The following OR51C1 variants were observed in gnomAD, a reference collection of about 807,000 sequenced individuals.
The protein encoded by OR51C1 is olfactory receptor family 51 subfamily C member 1.
At chr11:4,693,286 A>G in the OR51C1 span, among the ~76,000 whole-genome samples, 2 of 152,222 alleles carry the variant, frequency 1.3e-5, no homozygotes, top group Non-Finnish European at 1.5e-5. Context: ...AACACACTAA[A>G]AAGGAATTAC....
At chr11:4,694,716 A>G in the OR51C1 span, among the ~76,000 whole-genome samples, 142,336 of 152,030 alleles carry the variant, frequency 0.94, 67,364 homozygotes, top group East Asian at 1. Flanking sequence ...CAGTAACAGA[A>G]ACAAACAGAT....
the OR51C1 span, among the ~76,000 whole-genome samples, chr11:4,695,081 A>G: frequency 6.6e-6 from 1 of 152,172 alleles, no homozygotes; most frequent in Non-Finnish European, 1.5e-5. Flanking sequence ...GCTGTGGGAA[A>G]TGAAGCTAGA....
chr11:4,692,254 A>G, the OR51C1 span: 1 of 375,156 alleles, frequency 2.7e-6, no homozygotes, highest in Admixed American at 3.2e-5. Flanking sequence ...AACACATAGG[A>G]AGTGACAAAT....
the OR51C1 span, among the ~76,000 whole-genome samples, chr11:4,695,933 A>G: frequency 2.6e-5 from 4 of 152,112 alleles, no homozygotes; most frequent in Non-Finnish European, 5.9e-5. Flanking sequence ...ATGGCTTTAA[A>G]TAGCACTTAT....
chr11:4,693,451 G>T, the OR51C1 span, among the ~76,000 whole-genome samples: 5 of 152,206 alleles, frequency 3.3e-5, no homozygotes, highest in Non-Finnish European at 5.9e-5. Context: ...GCTGGGCGCG[G>T]TGGCTCACGC....
At chr11:4,692,255 A>G in the OR51C1 span, 1 of 373,536 alleles carries the variant, frequency 2.7e-6, no homozygotes, top group South Asian at 2.1e-5. Context: ...ACACATAGGA[A>G]GTGACAAATA....
chr11:4,692,593 A>G, the OR51C1 span, among the ~76,000 whole-genome samples: 1 of 152,186 alleles, frequency 6.6e-6, no homozygotes, highest in Non-Finnish European at 1.5e-5. Flanking sequence ...AGAATTGCAG[A>G]AAGGTAGATA....
chr11:4,697,417 T>A, the OR51C1 span, among the ~76,000 whole-genome samples: 1 of 152,230 alleles, frequency 6.6e-6, no homozygotes, highest in Non-Finnish European at 1.5e-5. Context: ...ATCAGCACAC[T>A]GATTAAACCA....
chr11:4,692,681 A>G, the OR51C1 span, among the ~76,000 whole-genome samples: 765 of 152,266 alleles, frequency 5.0e-3, 8 homozygotes, highest in African/African-American at 0.017. Flanking sequence ...GGCTCAATCA[A>G]TGAGAGAGAG....
the OR51C1 span, among the ~76,000 whole-genome samples, chr11:4,694,573 TATACACAC>T: frequency 8.4e-6 from 1 of 118,874 alleles, no homozygotes; most frequent in African/African-American, 2.6e-5. Flanking sequence ...TACATATATA[TATACACAC>T]ACACACACAC....
chr11:4,694,573 T>TACACACACACACACAC, the OR51C1 span, among the ~76,000 whole-genome samples: 1 of 118,874 alleles, frequency 8.4e-6, no homozygotes. Flanking sequence ...TACATATATA[T>TACACACACACACACAC]ATACACACAC....
the OR51C1 span, among the ~76,000 whole-genome samples, chr11:4,695,627 T>C: frequency 6.6e-6 from 1 of 152,162 alleles, no homozygotes; most frequent in African/African-American, 2.4e-5. Context: ...ATCCTCCAAA[T>C]GATGTCACCC....
the OR51C1 span, chr11:4,690,774 T>C: frequency 4.9e-6 from 2 of 407,972 alleles, no homozygotes; most frequent in Non-Finnish European, 9.7e-6. Context: ...TTCTTTGGAA[T>C]GGAGAATTTT....
At chr11:4,696,676 C>T in the OR51C1 span, among the ~76,000 whole-genome samples, 1 of 152,170 alleles carries the variant, frequency 6.6e-6, no homozygotes, top group African/African-American at 2.4e-5. Flanking sequence ...TCCGACCCAT[C>T]CTCTCCAATC....
At chr11:4,692,116 C>T in the OR51C1 span, 1 of 442,890 alleles carries the variant, frequency 2.3e-6, no homozygotes. Flanking sequence ...TGGTTGGCAC[C>T]AGAGAAAAAT....
At chr11:4,697,111 CTG>C in the OR51C1 span, among the ~76,000 whole-genome samples, 1 of 152,210 alleles carries the variant, frequency 6.6e-6, no homozygotes. Flanking sequence ...GGTAAAGACA[CTG>C]AGTATCAGAA....
the OR51C1 span, chr11:4,692,087 G>A: frequency 1.4e-5 from 6 of 424,236 alleles, no homozygotes; most frequent in Non-Finnish European, 1.4e-5. Flanking sequence ...TAAAGAGGTA[G>A]TGCATTATTT....
At chr11:4,692,066 T>C in the OR51C1 span, 1 of 384,946 alleles carries the variant, frequency 2.6e-6, no homozygotes, top group African/African-American at 2.1e-5. Context: ...TATGGCATGT[T>C]TAAATTGTGC....
the OR51C1 span, among the ~76,000 whole-genome samples, chr11:4,695,467 G>A: frequency 3.9e-5 from 6 of 152,292 alleles, no homozygotes; most frequent in East Asian, 1.2e-3. Flanking sequence ...CTTTGATAGT[G>A]AGGGATACAA....
Sources: gnomAD v4.1 joint callset for allele counts (sites outside exome capture counted in the v4.1 genomes callset) on GRCh38, gnomAD v4.1.1 for gene constraint, MANE v1.5 for transcripts, NCBI Gene and HGNC (gene_info 2026-07-23, HGNC 2026-07-21) for gene names.